Variants in RANBP2 observed in about 807,000 individuals in gnomAD.
The protein encoded by RANBP2 is E3 SUMO-protein ligase RanBP2.
Under a neutral mutation model 303.6 loss-of-function variants are expected in RANBP2, and 57 were observed. That is an observed-to-expected ratio of 0.19 (90% CI 0.15 to 0.23). RANBP2 has a LOEUF of 0.23. Ranked by LOEUF, RANBP2 falls within the 10% of genes least tolerant of loss-of-function variation. The pLI is 1.00. For synonymous variants in RANBP2, 1,167 were observed against 1,301.5 expected (o/e 0.90, Z 2.23); for missense variants, 3,138 against 3,780.8 (o/e 0.83, Z 4.46).
At chr2:109,480,191 C>G in the RANBP2 span, among the ~76,000 whole-genome samples, 1 of 152,194 alleles carries the variant, frequency 6.6e-6, no homozygotes, top group African/African-American at 2.4e-5. Flanking sequence ...GCGTTGTGCC[C>G]AACATCTGCA....
At chr2:108,773,232 C>T (rs1172464274) in intron 23 of RANBP2, among the ~76,000 whole-genome samples, 186 bp downstream of exon 23, 1 of 152,154 alleles carries the variant, frequency 6.6e-6, no homozygotes, top group Non-Finnish European at 1.5e-5. Flanking sequence ...AATCTCCTTC[C>T]TCAGCCTCCC....
the RANBP2 span, among the ~76,000 whole-genome samples, chr2:109,087,332 C>T: frequency 6.6e-6 from 1 of 152,148 alleles, no homozygotes; most frequent in Non-Finnish European, 1.5e-5. Context: ...CTTGTATTGC[C>T]TCACAAAATG....
At chr2:109,407,572 T>TA in the RANBP2 span, among the ~76,000 whole-genome samples, 1 of 152,220 alleles carries the variant, frequency 6.6e-6, no homozygotes, top group Non-Finnish European at 1.5e-5. Flanking sequence ...CCCCCAGACT[T>TA]ACTGCTTATA....
At chr2:109,547,800 T>C in the RANBP2 span, among the ~76,000 whole-genome samples, 1 of 152,232 alleles carries the variant, frequency 6.6e-6, no homozygotes, top group Non-Finnish European at 1.5e-5. Flanking sequence ...TGGCTGGCAC[T>C]GAGTAAGCAC....
chr2:108,726,841 GAGCATGCTGCCTTCA>G (rs1694754298), intron 1 of RANBP2, among the ~76,000 whole-genome samples: 1 of 151,924 alleles, frequency 6.6e-6, no homozygotes, highest in Admixed American at 6.6e-5. Context: ...GACTCTTAAC[GAGCATGCTGCCTTCA>G]AGCATCTGTT....
chr2:109,760,690 C>T, the RANBP2 span, among the ~76,000 whole-genome samples: 1 of 145,740 alleles, frequency 6.9e-6, no homozygotes, highest in African/African-American at 2.5e-5. Flanking sequence ...GCGGCGGTAG[C>T]GGCGGCGGCG....
At chr2:108,853,563 A>G in the RANBP2 span, among the ~76,000 whole-genome samples, 14 of 149,140 alleles carry the variant, frequency 9.4e-5, no homozygotes, top group African/African-American at 2.5e-4. Flanking sequence ...ATCTCACGCT[A>G]TCACTCAGGC....
chr2:109,706,379 G>T, the RANBP2 span, among the ~76,000 whole-genome samples: 1 of 152,196 alleles, frequency 6.6e-6, no homozygotes, highest in Admixed American at 6.5e-5. Flanking sequence ...GAGAGGCCAG[G>T]CTCAGCCCTG....
At chr2:109,426,156 G>A in the RANBP2 span, among the ~76,000 whole-genome samples, 6 of 152,168 alleles carry the variant, frequency 3.9e-5, no homozygotes, top group South Asian at 6.2e-4. Context: ...TGATCCGTCC[G>A]CCTTGGCCTC....
At chr2:108,729,257 C>T (rs1694982368) in intron 2 of RANBP2, 58 bp downstream of exon 2, 1 of 1,505,856 alleles carries the variant, frequency 6.6e-7, no homozygotes, top group African/African-American at 1.4e-5. Flanking sequence ...TTCTCATTTT[C>T]TTCTTTGAAA....
the RANBP2 span, among the ~76,000 whole-genome samples, chr2:109,562,074 G>T: frequency 6.6e-6 from 1 of 151,906 alleles, no homozygotes; most frequent in Admixed American, 6.6e-5. Context: ...TTAGCTGGGG[G>T]TGGTGGTGCA....
At chr2:109,652,167 T>A in the RANBP2 span, among the ~76,000 whole-genome samples, 3 of 152,164 alleles carry the variant, frequency 2.0e-5, no homozygotes, top group South Asian at 6.2e-4. Flanking sequence ...GGTTTGCTTC[T>A]CTTGCCTGCT....
chr2:109,457,457 A>G, the RANBP2 span, among the ~76,000 whole-genome samples: 5 of 152,378 alleles, frequency 3.3e-5, no homozygotes, highest in South Asian at 1.0e-3. Context: ...TTTGTAAGTC[A>G]TGTGTAATAG....
chr2:109,771,516 T>C, the RANBP2 span, among the ~76,000 whole-genome samples: 3 of 82,674 alleles, frequency 3.6e-5, 1 homozygote, highest in Non-Finnish European at 6.5e-5. Flanking sequence ...CTTATTTGTG[T>C]TCCTTTCATT....
chr2:109,687,741 ATTTTTT>A, the RANBP2 span, among the ~76,000 whole-genome samples: 1 of 133,468 alleles, frequency 7.5e-6, no homozygotes, highest in East Asian at 2.2e-4. Flanking sequence ...AGGTCAGGGG[ATTTTTT>A]TTTTTTTTTT....
At chr2:109,303,672 G>A in the RANBP2 span, among the ~76,000 whole-genome samples, 2 of 152,272 alleles carry the variant, frequency 1.3e-5, no homozygotes, top group South Asian at 2.1e-4. Context: ...GCCCACATTC[G>A]GGTTTTGTTT....
At chr2:109,498,046 G>T in the RANBP2 span, among the ~76,000 whole-genome samples, 1 of 152,136 alleles carries the variant, frequency 6.6e-6, no homozygotes, top group South Asian at 2.1e-4. Context: ...TTCACAGACC[G>T]CTGGCTGCAT....
chr2:109,094,701 G>A, the RANBP2 span, among the ~76,000 whole-genome samples: 1 of 152,066 alleles, frequency 6.6e-6, no homozygotes, highest in African/African-American at 2.4e-5. Context: ...ATAGTGGTGG[G>A]TGCCTGCAAT....
the RANBP2 span, among the ~76,000 whole-genome samples, chr2:109,442,134 AC>A: frequency 2.0e-5 from 3 of 152,074 alleles, no homozygotes; most frequent in African/African-American, 7.2e-5. Flanking sequence ...ACACAGTGAA[AC>A]CCCGTCTCTA....
Sources: gnomAD v4.1 joint callset for allele counts (sites outside exome capture counted in the v4.1 genomes callset) on GRCh38, gnomAD v4.1.1 for gene constraint, MANE v1.5 for transcripts, NCBI Gene and HGNC (gene_info 2026-07-23, HGNC 2026-07-21) for gene names.